The following MTUS1 variants were observed in gnomAD, a reference collection of about 807,000 sequenced individuals.
MTUS1 encodes microtubule associated scaffold protein 1.
In MTUS1, 109 loss-of-function variants were observed where a neutral mutation model predicts 120.8. The ratio of observed to expected loss-of-function variants is 0.90; its 90% confidence interval spans 0.77 to 1.06. The LOEUF (loss-of-function observed/expected upper bound fraction) is 1.06, where lower values mean the gene tolerates loss of function less well. Among genes scored for constraint, MTUS1 ranks in the 50% least tolerant of loss-of-function variants. The pLI is 0.00. For missense variants in MTUS1, 2,210 were observed against 1,486.3 expected (o/e 1.49, Z -8.01); for synonymous variants, 737 against 550.5 (o/e 1.34, Z -4.74).
At chr8:17,769,505 G>T (rs1053329972) in intron 1 of MTUS1, among the ~76,000 whole-genome samples, 1 of 150,536 alleles carries the variant, frequency 6.6e-6, no homozygotes, top group East Asian at 2.0e-4. Context: ...CCGCCACCAC[G>T]CCCAGATAAT....
chr8:17,670,567 T>A (rs9657485), intron 8 of MTUS1, among the ~76,000 whole-genome samples: 1 of 152,168 alleles, frequency 6.6e-6, no homozygotes, highest in African/African-American at 2.4e-5. Flanking sequence ...CTCACATCTG[T>A]AATCCCAGCA....
intron 13 of MTUS1, among the ~76,000 whole-genome samples, chr8:17,647,641 C>T (rs1057126275): frequency 1.3e-5 from 2 of 152,148 alleles, no homozygotes; most frequent in African/African-American, 2.4e-5. Context: ...AAAGAAGTAA[C>T]ATGCCACGAG....
chr8:17,728,663 G>A (rs2046369385), intron 3 of MTUS1, among the ~76,000 whole-genome samples: 1 of 152,060 alleles, frequency 6.6e-6, no homozygotes, highest in Non-Finnish European at 1.5e-5. Context: ...CAGGTGGGAA[G>A]AAGAAAATAA....
chr8:17,693,565 G>C (rs1413392409), intron 6 of MTUS1, among the ~76,000 whole-genome samples: 1 of 152,132 alleles, frequency 6.6e-6, no homozygotes, highest in African/African-American at 2.4e-5. Flanking sequence ...TTGTTTCCTT[G>C]AAGGAGCCCT....
chr8:17,756,121 C>G (rs1421888264), intron 1 of MTUS1, 160 bp from the exon 2 acceptor site: 4 of 265,184 alleles, frequency 1.5e-5, no homozygotes, highest in Non-Finnish European at 2.1e-5. Context: ...GGCAATCTAT[C>G]ACCGCTTTTC....
At chr8:17,694,430 C>G (rs771951977) in intron 6 of MTUS1, among the ~76,000 whole-genome samples, 15 of 152,148 alleles carry the variant, frequency 9.9e-5, no homozygotes, top group Non-Finnish European at 1.8e-4. Flanking sequence ...CTTTGGGAGG[C>G]TGAGGCAGGC....
intron 4 of MTUS1, among the ~76,000 whole-genome samples, chr8:17,719,236 T>G (rs1462383363): frequency 6.6e-6 from 1 of 152,092 alleles, no homozygotes; most frequent in Non-Finnish European, 1.5e-5. Flanking sequence ...CATACTACAT[T>G]CTAACACCTA....
intron 1 of MTUS1, among the ~76,000 whole-genome samples, chr8:17,773,429 A>G (rs1472742634): frequency 6.6e-6 from 1 of 152,342 alleles, no homozygotes; most frequent in Non-Finnish European, 1.5e-5. Context: ...AATCTAGGGT[A>G]AGATACCTCA....
intron 6 of MTUS1, among the ~76,000 whole-genome samples, chr8:17,696,708 C>A (rs1252014057): frequency 5.9e-5 from 9 of 152,304 alleles, no homozygotes; most frequent in Admixed American, 5.9e-4. Flanking sequence ...ACTGCACACA[C>A]TTTTATTATG....
At chr8:17,692,653 C>A (rs1817184070) in intron 6 of MTUS1, among the ~76,000 whole-genome samples, 1 of 152,116 alleles carries the variant, frequency 6.6e-6, no homozygotes, top group Non-Finnish European at 1.5e-5. Context: ...AGGGAAACAA[C>A]AGATGGGGGT....
intron 1 of MTUS1, among the ~76,000 whole-genome samples, chr8:17,788,849 G>A (rs893351056): frequency 4.6e-5 from 7 of 152,006 alleles, no homozygotes; most frequent in African/African-American, 1.7e-4. Context: ...AGAACAAGAG[G>A]CAAAACAGTA....
At chr8:17,669,470 C>G (rs1156271107) in intron 8 of MTUS1, among the ~76,000 whole-genome samples, 2 of 151,798 alleles carry the variant, frequency 1.3e-5, no homozygotes, top group African/African-American at 2.4e-5. Context: ...AGATTTCAAT[C>G]AGTCAAATCA....
intron 1 of MTUS1, among the ~76,000 whole-genome samples, chr8:17,774,677 C>A (rs2050274066): frequency 1.3e-5 from 2 of 152,136 alleles, no homozygotes; most frequent in Admixed American, 6.5e-5. Flanking sequence ...GAAAACAATT[C>A]TGTGGTTCCT....
At chr8:17,670,634 C>T (rs1377301767) in intron 8 of MTUS1, among the ~76,000 whole-genome samples, 1 of 152,072 alleles carries the variant, frequency 6.6e-6, no homozygotes, top group Non-Finnish European at 1.5e-5. Context: ...ACCAGCCTGA[C>T]CAATATGGTG....
Position 17,788,146 on chromosome 8 carries a change from G to T in MTUS1, c.-155+12915C>A, listed in dbSNP as rs539402218. Among the ~76,000 whole-genome samples the T allele has an allele frequency of 3.9e-5, 6 of 152,240 alleles. No individual in the cohort carries two copies. The South Asian group carries it at 1.2e-3, about 32-fold the overall frequency. ...CAAAAAAAAAAAGACATTCTAAGGT[G>T]ATGGACACATTCTGTATCTTGATTG... On this transcript the variant is annotated intron_variant, in intron 1 of 14. Transcript: ENST00000693296.
intron 2 of MTUS1, among the ~76,000 whole-genome samples, chr8:17,749,189 T>G (rs561684628): frequency 6.6e-6 from 1 of 152,112 alleles, no homozygotes; most frequent in Admixed American, 6.5e-5. Flanking sequence ...TTAAGACTGA[T>G]AGAACAGACT....
intron 3 of MTUS1, among the ~76,000 whole-genome samples, chr8:17,734,733 C>A (rs1186014867): frequency 6.6e-6 from 1 of 152,156 alleles, no homozygotes. Flanking sequence ...AAACAAGGGT[C>A]TTCACATGTT....
chr8:17,685,234 A>T (rs532994859), intron 6 of MTUS1, among the ~76,000 whole-genome samples: 1 of 152,156 alleles, frequency 6.6e-6, no homozygotes, highest in East Asian at 1.9e-4. Flanking sequence ...TTTAAAGCAC[A>T]TGCTAACACT....
rs576051452 is a variant in MTUS1 at position 17,785,875 on chromosome 8, T to C, written c.-155+15186A>G. ...AGCAAAGGCCTAAGGCCAGGTACCA[T>C]GGGTCATGCCTGTAATCACGGCACT... On this transcript the variant is annotated intron_variant, in intron 1 of 14. Transcript: ENST00000693296. Among the ~76,000 whole-genome samples the C allele has an allele frequency of 1.7e-4, 26 of 152,298 alleles. No individual in the cohort carries two copies. In the South Asian group the frequency reaches 5.4e-3, roughly 32 times the overall value.
Sources: allele counts gnomAD v4.1 joint callset (sites outside exome capture counted in the v4.1 genomes callset), GRCh38; gene constraint gnomAD v4.1.1; transcripts MANE v1.5; gene names NCBI Gene and HGNC (gene_info 2026-07-23, HGNC 2026-07-21).